CSNK2A2IP: variants seen among roughly 807,000 people sequenced by gnomAD.
The protein encoded by CSNK2A2IP is casein kinase 2 subunit alpha' interacting protein.
chr3:88,400,575 C>A, the CSNK2A2IP span, among the ~76,000 whole-genome samples: 2 of 152,098 alleles, frequency 1.3e-5, no homozygotes, highest in Admixed American at 1.3e-4. Context: ...AATTGGAGAT[C>A]ATTTTCTAGT....
At chr3:88,416,910 A>G in the CSNK2A2IP span, among the ~76,000 whole-genome samples, 1 of 152,024 alleles carries the variant, frequency 6.6e-6, no homozygotes, top group African/African-American at 2.4e-5. Flanking sequence ...GGATAAGCTC[A>G]TATGCAATAT....
At chr3:88,393,283 G>T in the CSNK2A2IP span, among the ~76,000 whole-genome samples, 1 of 152,148 alleles carries the variant, frequency 6.6e-6, no homozygotes, top group East Asian at 1.9e-4. Flanking sequence ...TACATTTTTT[G>T]ATGTCAACTT....
the CSNK2A2IP span, among the ~76,000 whole-genome samples, chr3:88,348,382 G>A: frequency 7.9e-5 from 12 of 151,962 alleles, no homozygotes; most frequent in African/African-American, 1.4e-4. Flanking sequence ...AGACAGTTTC[G>A]AAACGGTATC....
the CSNK2A2IP span, among the ~76,000 whole-genome samples, chr3:88,431,534 A>G: frequency 6.6e-6 from 1 of 152,184 alleles, no homozygotes; most frequent in African/African-American, 2.4e-5. Flanking sequence ...GGGTGCACCA[A>G]AATCTCGCAA....
chr3:88,465,814 C>T, the CSNK2A2IP span: 1 of 1,231,570 alleles, frequency 8.1e-7, no homozygotes. Context: ...TTTACAATTA[C>T]CCTTCTGTAA....
At chr3:88,446,494 A>T in the CSNK2A2IP span, among the ~76,000 whole-genome samples, 9 of 152,170 alleles carry the variant, frequency 5.9e-5, no homozygotes, top group African/African-American at 2.2e-4. Context: ...TTCCAACTGA[A>T]TTTTTCCAAT....
the CSNK2A2IP span, among the ~76,000 whole-genome samples, chr3:88,355,440 C>CA: frequency 6.0e-5 from 9 of 150,896 alleles, no homozygotes; most frequent in South Asian, 2.1e-4. Context: ...GTATCCAAAG[C>CA]AAAAAAAATC....
the CSNK2A2IP span, among the ~76,000 whole-genome samples, chr3:88,380,451 A>G: frequency 6.6e-6 from 1 of 151,642 alleles, no homozygotes; most frequent in Non-Finnish European, 1.5e-5. Flanking sequence ...CTTAAATATT[A>G]TCTTAGATTA....
the CSNK2A2IP span, among the ~76,000 whole-genome samples, chr3:88,405,626 T>C: frequency 6.6e-6 from 1 of 152,202 alleles, no homozygotes; most frequent in African/African-American, 2.4e-5. Flanking sequence ...GCAATATCTC[T>C]TGTGATTTCT....
chr3:88,408,990 A>G, the CSNK2A2IP span, among the ~76,000 whole-genome samples: 5 of 152,054 alleles, frequency 3.3e-5, no homozygotes, highest in Admixed American at 3.3e-4. Context: ...GAATAGTGTA[A>G]TTAGTTGCTA....
chr3:88,440,404 C>G, the CSNK2A2IP span, among the ~76,000 whole-genome samples: 1 of 151,946 alleles, frequency 6.6e-6, no homozygotes, highest in Non-Finnish European at 1.5e-5. Flanking sequence ...ATATAATCTT[C>G]AGGCTTCAAA....
the CSNK2A2IP span, among the ~76,000 whole-genome samples, chr3:88,346,475 G>C: frequency 0.41 from 62,433 of 151,708 alleles, 14,764 homozygotes; most frequent in South Asian, 0.6. Flanking sequence ...AATGCAGCTG[G>C]TGACCTTCGG....
chr3:88,347,672 T>C, the CSNK2A2IP span, among the ~76,000 whole-genome samples: 1 of 152,044 alleles, frequency 6.6e-6, no homozygotes, highest in Non-Finnish European at 1.5e-5. Context: ...AAAACATTAT[T>C]TTGACTCACT....
the CSNK2A2IP span, among the ~76,000 whole-genome samples, chr3:88,379,066 G>A: frequency 4.6e-5 from 7 of 151,986 alleles, no homozygotes; most frequent in East Asian, 1.9e-4. Context: ...TGCTAGACAC[G>A]AAAATCATCT....
At chr3:88,375,912 T>C in the CSNK2A2IP span, among the ~76,000 whole-genome samples, 1 of 151,700 alleles carries the variant, frequency 6.6e-6, no homozygotes, top group African/African-American at 2.4e-5. Context: ...CCATTTTGTG[T>C]CATCCCCATT....
chr3:88,440,966 TA>T, the CSNK2A2IP span, among the ~76,000 whole-genome samples: 2 of 152,224 alleles, frequency 1.3e-5, no homozygotes, highest in Non-Finnish European at 2.9e-5. Context: ...ATTCAATTGT[TA>T]TTTGCAGGTG....
At chr3:88,413,117 CTTTGA>C in the CSNK2A2IP span, among the ~76,000 whole-genome samples, 2 of 151,932 alleles carry the variant, frequency 1.3e-5, no homozygotes, top group South Asian at 4.1e-4. Context: ...CCTCCTGTGA[CTTTGA>C]TTTAATTTTT....
the CSNK2A2IP span, among the ~76,000 whole-genome samples, chr3:88,404,370 A>G: frequency 3.3e-5 from 5 of 152,334 alleles, no homozygotes; most frequent in Admixed American, 6.5e-5. Flanking sequence ...TGCGGTAATA[A>G]GAAAATCCTC....
the CSNK2A2IP span, among the ~76,000 whole-genome samples, chr3:88,372,748 T>C: frequency 6.6e-6 from 1 of 151,640 alleles, no homozygotes; most frequent in African/African-American, 2.4e-5. Context: ...TAATTTTTTA[T>C]ATTGCATTTT....
Sources: allele counts gnomAD v4.1 joint callset (sites outside exome capture counted in the v4.1 genomes callset), GRCh38; gene constraint gnomAD v4.1.1; transcripts MANE v1.5; gene names NCBI Gene and HGNC (gene_info 2026-07-23, HGNC 2026-07-21).